PDS5A: variants seen among roughly 807,000 people sequenced by gnomAD.
PDS5A encodes PDS5 cohesin associated factor A.
In PDS5A, 42 loss-of-function variants were observed where a neutral mutation model predicts 167.1. That is an observed-to-expected ratio of 0.25 (90% CI 0.20 to 0.33). PDS5A has a LOEUF of 0.33. Among genes scored for constraint, PDS5A ranks in the 10% least tolerant of loss-of-function variants. The probability of loss-of-function intolerance (pLI) is 1.00; values close to 1 mark genes in which losing one functional copy is unlikely to be tolerated. For missense variants in PDS5A, 1,033 were observed against 1,605.9 expected (o/e 0.64, Z 6.10); for synonymous variants, 553 against 554.6 (o/e 1.00, Z 0.04).
chr4:39,975,024 C>T (rs921146378), intron 2 of PDS5A, among the ~76,000 whole-genome samples: 3 of 150,002 alleles, frequency 2.0e-5, no homozygotes, highest in East Asian at 4.0e-4. Context: ...GGCAGAATTG[C>T]TTGAACCCGG....
At chr4:39,921,585 A>T (rs1560485535) in intron 6 of PDS5A, among the ~76,000 whole-genome samples, 10 of 93,736 alleles carry the variant, frequency 1.1e-4, no homozygotes, top group Non-Finnish European at 2.7e-5. Context: ...AGAAAACTTA[A>T]AAAAAAAAAA....
In PDS5A at chr4:39,977,898, GCGCGAGAGCA is replaced by G. The variant is rs930142884; in HGVS notation, c.-492_-483del. Reference sequence around the variant, plus strand: ...CACACACCGGCCGGTCACGCGAGCGGCGCGAGAGCACGCGAGAGCAGCGCGCGCTCCTCGC... The same window carrying G: ...CACACACCGGCCGGTCACGCGAGCGGCGCGAGAGCAGCGCGCGCTCCTCGC... On this transcript the variant is annotated 5_prime_UTR_variant, in exon 1 of 33. Coordinates refer to ENST00000303538, the MANE Select transcript of PDS5A (RefSeq NM_001100399.2). This position sits in a 1 kb window ranked among gnomAD's most constrained non-coding sequence, Gnocchi z 4.2. 4 of 151,362 alleles carry G rather than the reference GCGCGAGAGCA, an allele frequency of 2.6e-5. No homozygotes were observed. The highest frequency in any genetic ancestry group is 6.6e-5 in the Admixed American group (1 of 15,190). 9.4% of individuals were successfully genotyped at this position (151,362 alleles called of 1,614,324 possible).
At chr4:39,886,504 G>A (rs528894860) in intron 17 of PDS5A, among the ~76,000 whole-genome samples, 72 of 152,100 alleles carry the variant, frequency 4.7e-4, no homozygotes, top group Middle Eastern at 3.4e-3. Context: ...ACCTGAGGTT[G>A]GGAGTTTGAG....
At chr4:39,869,353 T>G in intron 22 of PDS5A, 41 bp downstream of exon 22, 1 of 1,177,114 alleles carries the variant, frequency 8.5e-7, no homozygotes, top group Non-Finnish European at 1.3e-6. Flanking sequence ...AAAATGTCCC[T>G]TTTTTAAACA....
At chr4:39,905,943 A>G (rs1274697983) in intron 11 of PDS5A, among the ~76,000 whole-genome samples, 1 of 152,118 alleles carries the variant, frequency 6.6e-6, no homozygotes. Context: ...AATAAAAAAG[A>G]AAAGAAAAAC....
At chr4:39,948,387 G>A (rs1211481244) in intron 2 of PDS5A, among the ~76,000 whole-genome samples, 20 of 134,372 alleles carry the variant, frequency 1.5e-4, no homozygotes, top group African/African-American at 3.4e-4. Flanking sequence ...GTGCGACCTC[G>A]GCTCACTGCA....
At chr4:39,956,331 A>C (rs1728922747) in intron 2 of PDS5A, among the ~76,000 whole-genome samples, 1 of 151,380 alleles carries the variant, frequency 6.6e-6, no homozygotes, top group Non-Finnish European at 1.5e-5. Context: ...ATGTTTACCA[A>C]AAAATACAAA....
At chr4:39,910,619 T>C (rs999274649) in intron 9 of PDS5A, among the ~76,000 whole-genome samples, 2 of 152,192 alleles carry the variant, frequency 1.3e-5, no homozygotes, top group Non-Finnish European at 2.9e-5. Flanking sequence ...CTATACACTT[T>C]ATGGAGTTAA....
At chr4:39,975,238 C>T (rs1019335393) in intron 2 of PDS5A, among the ~76,000 whole-genome samples, 1 of 152,028 alleles carries the variant, frequency 6.6e-6, no homozygotes, top group Non-Finnish European at 1.5e-5. Flanking sequence ...ATCCCGCCGC[C>T]GCACACAGAT....
At chr4:39,966,813 C>T (rs1252084685) in intron 2 of PDS5A, among the ~76,000 whole-genome samples, 1 of 151,684 alleles carries the variant, frequency 6.6e-6, no homozygotes, top group Non-Finnish European at 1.5e-5. Context: ...GTCTGGCCAA[C>T]ATGGTGAAAC....
chr4:39,927,895 A>G, intron 3 of PDS5A, 66 bp downstream of exon 3: 1 of 1,102,188 alleles, frequency 9.1e-7, no homozygotes, highest in Non-Finnish European at 1.3e-6. Flanking sequence ...AAATATAAAA[A>G]TAAAAGTATA....
At chr4:39,955,939 ACC>A (rs1560515963) in intron 2 of PDS5A, among the ~76,000 whole-genome samples, 1 of 151,998 alleles carries the variant, frequency 6.6e-6, no homozygotes, top group Non-Finnish European at 1.5e-5. Flanking sequence ...ACATGGCGAA[ACC>A]CCATCTCTAC....
intron 32 of PDS5A, among the ~76,000 whole-genome samples, chr4:39,828,706 G>A (rs181090283): frequency 8.9e-4 from 135 of 152,302 alleles, no homozygotes; most frequent in Non-Finnish European, 1.4e-3. Context: ...AAGCTTTCTG[G>A]AGGTGGTGCA....
chr4:39,888,284 A>G (rs1721659899), intron 17 of PDS5A, among the ~76,000 whole-genome samples: 1 of 151,250 alleles, frequency 6.6e-6, no homozygotes, highest in African/African-American at 2.4e-5. Flanking sequence ...TATCAACAAG[A>G]CAGGGAATAA....
intron 11 of PDS5A, among the ~76,000 whole-genome samples, chr4:39,905,345 G>T (rs2109664782): frequency 6.6e-6 from 1 of 151,954 alleles, no homozygotes; most frequent in South Asian, 2.1e-4. Flanking sequence ...ATCACCTGAG[G>T]TCAGGAGTTC....
At chr4:39,828,737 G>T (rs761221523) in intron 32 of PDS5A, among the ~76,000 whole-genome samples, 9 of 152,140 alleles carry the variant, frequency 5.9e-5, no homozygotes, top group Non-Finnish European at 7.3e-5. Flanking sequence ...ACCACTCTGG[G>T]GTGGGATTCT....
intron 2 of PDS5A, chr4:39,932,542 T>C (rs1000467697): frequency 1.5e-5 from 3 of 203,350 alleles, no homozygotes; most frequent in Non-Finnish European, 3.4e-5. Context: ...CATGAATTTA[T>C]TGTAAAAAGA....
intron 2 of PDS5A, among the ~76,000 whole-genome samples, chr4:39,965,414 G>A (rs746281393): frequency 2.6e-5 from 4 of 152,142 alleles, no homozygotes; most frequent in Non-Finnish European, 4.4e-5. Flanking sequence ...TGTAGCAGAC[G>A]CAAGCTAAAC....
chr4:39,963,148 C>T lies in PDS5A; in HGVS notation c.138+13292G>A, dbSNP rs571261419. Among the ~76,000 whole-genome samples, 8 of 151,946 alleles carry T rather than the reference C, an allele frequency of 5.3e-5. No individual in the cohort carries two copies. The South Asian group carries it at 1.3e-3, about 24-fold the overall frequency. On this transcript the variant is annotated intron_variant, in intron 2 of 32. Coordinates refer to ENST00000303538, the MANE Select transcript of PDS5A (RefSeq NM_001100399.2). ...AGCCTGGACCAACATGGCGAAACCC[C>T]GTCTCTTTTAAAAATACAAAAATTA...
Sources: gnomAD v4.1 joint callset for allele counts (sites outside exome capture counted in the v4.1 genomes callset) on GRCh38, gnomAD v4.1.1 for gene constraint, Gnocchi (gnomAD v3.1) non-coding constraint, MANE v1.5 for transcripts, NCBI Gene and HGNC (gene_info 2026-07-23, HGNC 2026-07-21) for gene names.